FAM200B: variants seen among roughly 807,000 people sequenced by gnomAD.
The protein encoded by FAM200B is protein FAM200B.
A neutral mutation model predicts 33.1 loss-of-function variants in FAM200B; 32 were observed. That is an observed-to-expected ratio of 0.97 (90% CI 0.73 to 1.30). The LOEUF (loss-of-function observed/expected upper bound fraction) is 1.30, where lower values mean the gene tolerates loss of function less well. Ranked by LOEUF, FAM200B falls within the 50% of genes most tolerant of loss-of-function variation. The pLI is 0.00. For missense variants in FAM200B, 741 were observed against 754.0 expected (o/e 0.98, Z 0.20); for synonymous variants, 240 against 264.8 (o/e 0.91, Z 0.91).
chr4:15,686,850 T>C lies in FAM200B; in HGVS notation c.-128T>C, dbSNP rs1258772897. 2.0e-6 allele frequency: 1 copy of C among 489,128 alleles called. No individual in the cohort carries two copies. The allele number at this position is 489,128 out of a possible 1,614,324, so 30.3% of individuals were successfully genotyped here. On this transcript the variant is annotated 5_prime_UTR_variant, in exon 2 of 2. Transcript: ENST00000422728. ...CAACTAGTTGTGAAGTCTGAAATAT[T>C]CGATTCAATTGCAAACTTTGAGTGT...
At chr4:15,666,698 GGTGT>G in the FAM200B span, among the ~76,000 whole-genome samples, 9 of 152,032 alleles carry the variant, frequency 5.9e-5, no homozygotes, top group African/African-American at 1.9e-4. Context: ...CAGGTGTGGT[GGTGT>G]GTGCCTGTGA....
chr4:15,685,103 C>G (rs1347320502), intron 1 of FAM200B: 1 of 152,082 alleles, frequency 6.6e-6, no homozygotes, highest in Non-Finnish European at 1.5e-5. Context: ...AGGTTTAGGG[C>G]CAAACTATAC....
At chr4:15,651,197 A>G in the FAM200B span, among the ~76,000 whole-genome samples, 1 of 152,238 alleles carries the variant, frequency 6.6e-6, no homozygotes, top group African/African-American at 2.4e-5. Flanking sequence ...AAATTTACAG[A>G]TGGAAAAAAT....
chr4:15,683,976 A>G (rs1718592168), intron 1 of FAM200B, among the ~76,000 whole-genome samples: 1 of 152,260 alleles, frequency 6.6e-6, no homozygotes, highest in Non-Finnish European at 1.5e-5. Flanking sequence ...AAACCATATC[A>G]TATAACCGTG....
the FAM200B span, among the ~76,000 whole-genome samples, chr4:15,647,455 C>T: frequency 1.3e-5 from 2 of 151,944 alleles, no homozygotes; most frequent in Admixed American, 6.6e-5. Flanking sequence ...CATGGGTGTC[C>T]TGAAAACAAT....
the FAM200B span, among the ~76,000 whole-genome samples, chr4:15,661,355 G>A: frequency 6.6e-6 from 1 of 152,218 alleles, no homozygotes; most frequent in African/African-American, 2.4e-5. Flanking sequence ...GGGATAGTGA[G>A]TCTCCAGAGT....
At chr4:15,641,294 G>T in the FAM200B span, among the ~76,000 whole-genome samples, 1 of 151,910 alleles carries the variant, frequency 6.6e-6, no homozygotes, top group Non-Finnish European at 1.5e-5. Flanking sequence ...GTTGACCCTT[G>T]AACAACACAG....
intron 1 of FAM200B, among the ~76,000 whole-genome samples, chr4:15,682,669 G>T (rs777992343): frequency 6.6e-5 from 10 of 152,170 alleles, no homozygotes; most frequent in Non-Finnish European, 1.2e-4. Context: ...ACTGTTCATT[G>T]TTTAGTATCT....
chr4:15,677,715 G>C (rs926819212), upstream of FAM200B, among the ~76,000 whole-genome samples: 1 of 152,138 alleles, frequency 6.6e-6, no homozygotes, highest in Non-Finnish European at 1.5e-5. Flanking sequence ...TCTTCCATTT[G>C]GCTGTTCCCA....
At chr4:15,641,421 G>T in the FAM200B span, 128 of 351,898 alleles carry the variant, frequency 3.6e-4, no homozygotes, top group Non-Finnish European at 6.5e-4. Flanking sequence ...TGAAGACAAT[G>T]AGGATAAAGA....
intron 1 of FAM200B, among the ~76,000 whole-genome samples, chr4:15,683,110 C>CTGTT (rs1203937347): frequency 6.6e-6 from 1 of 152,206 alleles, no homozygotes; most frequent in African/African-American, 2.4e-5. Context: ...GACTATCAAG[C>CTGTT]ATTGTAACAA....
At chr4:15,655,786 G>A in the FAM200B span, among the ~76,000 whole-genome samples, 12 of 152,188 alleles carry the variant, frequency 7.9e-5, no homozygotes, top group Admixed American at 7.8e-4. Flanking sequence ...TTCTGGCCAG[G>A]ACCTCCGGAG....
the FAM200B span, among the ~76,000 whole-genome samples, chr4:15,637,901 T>A: frequency 3.7e-3 from 500 of 136,068 alleles, 3 homozygotes; most frequent in African/African-American, 0.013. Flanking sequence ...ACTAGTTTTT[T>A]TAAAAAAAAA....
chr4:15,679,995 C>G (rs1002565465), upstream of FAM200B, among the ~76,000 whole-genome samples: 7 of 152,126 alleles, frequency 4.6e-5, no homozygotes, highest in Admixed American at 3.9e-4. Context: ...CGCCAAGTGT[C>G]CACCTACGCG....
the FAM200B span, among the ~76,000 whole-genome samples, chr4:15,670,089 G>A: frequency 1.1e-4 from 17 of 152,260 alleles, no homozygotes; most frequent in South Asian, 2.9e-3. Context: ...GAAATGAATT[G>A]CATGTGTGTA....
chr4:15,661,777 G>A, the FAM200B span, among the ~76,000 whole-genome samples: 13,767 of 152,216 alleles, frequency 0.09, 789 homozygotes, highest in Non-Finnish European at 0.13. Flanking sequence ...TGGCTTATGG[G>A]GTGGTTCTAG....
At chr4:15,682,677 T>A (rs1191865537) in intron 1 of FAM200B, among the ~76,000 whole-genome samples, 1 of 152,236 alleles carries the variant, frequency 6.6e-6, no homozygotes, top group Non-Finnish European at 1.5e-5. Context: ...TTGTTTAGTA[T>A]CTCCAGTGCC....
At chr4:15,676,492 T>G in the FAM200B span, among the ~76,000 whole-genome samples, 1 of 152,056 alleles carries the variant, frequency 6.6e-6, no homozygotes, top group East Asian at 1.9e-4. Flanking sequence ...CAAAGATATA[T>G]CAATAAAATG....
Position 15,688,191 on chromosome 4 carries a change from T to A in FAM200B, c.1214T>A (p.Ile405Asn), listed in dbSNP as rs1477323627. ...LSRVYELRNE[I>N]HFFLIEKKSH... The stretch of plus-strand genomic sequence containing the variant: ...AGGGTTTATGAGCTCAGGAATGAGA[T>A]TCACTTTTTTCTCATTGAAAAAAAA... The change falls in exon 2 of 2, where the codon ATT becomes AAT. Residue 405 changes from isoleucine (I) to asparagine (N), a missense_variant. Coordinates refer to ENST00000422728, the MANE Select transcript of FAM200B (RefSeq NM_001145191.2). 5.8e-6 allele frequency: 9 copies of A among 1,551,038 alleles called. No homozygotes were observed. The highest frequency in any genetic ancestry group is 1.4e-5 in the African/African-American group (1 of 73,034).
Sources: gnomAD v4.1 joint callset for allele counts (sites outside exome capture counted in the v4.1 genomes callset) on GRCh38, gnomAD v4.1.1 for gene constraint, MANE v1.5 for transcripts, NCBI Gene and HGNC (gene_info 2026-07-23, HGNC 2026-07-21) for gene names.